The following ABTB2 variants were observed in gnomAD, a reference collection of about 807,000 sequenced individuals.
ABTB2 encodes ankyrin repeat and BTB domain containing 2.
Under a neutral mutation model 104.1 loss-of-function variants are expected in ABTB2, and 56 were observed. That is an observed-to-expected ratio of 0.54 (90% CI 0.43 to 0.67). ABTB2 has a LOEUF of 0.67. Among genes scored for constraint, ABTB2 ranks in the 30% least tolerant of loss-of-function variants. The pLI, the probability that ABTB2 is intolerant of heterozygous loss-of-function variation, is 0.00. For synonymous variants in ABTB2, 606 were observed against 608.2 expected, an observed-to-expected ratio of 1.00 and a Z score of 0.05; for missense variants, 1,279 against 1,407.7, an observed-to-expected ratio of 0.91 and a Z score of 1.46.
At chr11:34,244,369 A>T (rs905100156) in intron 1 of ABTB2, among the ~76,000 whole-genome samples, 3 of 152,230 alleles carry the variant, frequency 2.0e-5, no homozygotes, top group African/African-American at 7.2e-5. Context: ...GATCAGCAGC[A>T]GTTTCACCAC....
At chr11:34,164,327 G>A (rs1293101257) in intron 9 of ABTB2, among the ~76,000 whole-genome samples, 2 of 152,208 alleles carry the variant, frequency 1.3e-5, no homozygotes, top group African/African-American at 2.4e-5. Flanking sequence ...CTATTTGGAC[G>A]TCCAAGGCCA....
intron 1 of ABTB2, among the ~76,000 whole-genome samples, chr11:34,256,754 C>T (rs1427260064): frequency 2.0e-5 from 3 of 152,112 alleles, no homozygotes; most frequent in Non-Finnish European, 4.4e-5. Context: ...GTCTATTTTC[C>T]CAGTCTCTTA....
At position 34,154,207 on chromosome 11, in the gene ABTB2, GCCCC is replaced by G. The variant is rs1186815021; in HGVS notation, c.2880+54_2880+57del. The stretch of plus-strand genomic sequence containing the variant: ...TCCCCAGTGCAGCCACACGGCCGAG[GCCCC>G]CGTGGAGCAGAGCATGTGGTGGGAG... On this transcript the variant is annotated intron_variant, in intron 16 of 16. Coordinates refer to ENST00000435224, the MANE Select transcript of ABTB2 (RefSeq NM_145804.3). This position sits in a 1 kb window ranked among gnomAD's most constrained non-coding sequence, Gnocchi z 4.9. 9 of 1,378,780 alleles carry G rather than the reference GCCCC, an allele frequency of 6.5e-6. No homozygotes were observed. Among genetic ancestry groups the G allele is most frequent in the Non-Finnish European group, 9.3e-6 (9 of 972,676 alleles). The allele number at this position is 1,378,780 out of a possible 1,614,324, so 85.4% of individuals were successfully genotyped here.
rs891846754 is a variant in ABTB2 at position 34,160,148 on chromosome 11, G to C, written c.2503+100C>G. The C allele has an allele frequency of 9.8e-6, 13 of 1,320,498 alleles. No individual in the cohort carries two copies. The Admixed American group carries it at 1.9e-4, about 19-fold the overall frequency. The allele number at this position is 1,320,498 out of a possible 1,614,324, so 81.8% of individuals were successfully genotyped here. On this transcript the variant is annotated intron_variant, in intron 12 of 16. Coordinates refer to ENST00000435224, the MANE Select transcript of ABTB2 (RefSeq NM_145804.3). ...CAGAGAAACTGAGGCTGGGGCCTTGGCGCTTGGAAATGGAGAAAGATGACA... is the reference window on the plus strand; with the variant it reads ...CAGAGAAACTGAGGCTGGGGCCTTGCCGCTTGGAAATGGAGAAAGATGACA...
At chr11:34,302,405 A>G (rs1854717974) in intron 1 of ABTB2, among the ~76,000 whole-genome samples, 1 of 152,220 alleles carries the variant, frequency 6.6e-6, no homozygotes, top group African/African-American at 2.4e-5. Context: ...TCTGAAATCC[A>G]TGACTGGTCA....
rs1056041958 is a variant in ABTB2, at chr11:34,154,204, G to A, written c.2880+61C>T. ...TCATCCCCAGTGCAGCCACACGGCC[G>A]AGGCCCCCGTGGAGCAGAGCATGTG... On this transcript the variant is annotated intron_variant, in intron 16 of 16. Coordinates refer to ENST00000435224, the MANE Select transcript of ABTB2 (RefSeq NM_145804.3). The surrounding 1 kb of genome is among the most constrained non-coding windows in gnomAD (Gnocchi z 4.9). 2.2e-6 allele frequency: 3 copies of A among 1,356,402 alleles called. No homozygotes were observed. Among genetic ancestry groups the A allele is most frequent in the Non-Finnish European group, 3.1e-6 (3 of 953,948 alleles). 84.0% of individuals were successfully genotyped at this position (1,356,402 alleles called of 1,614,324 possible). A position where few individuals can be genotyped will look rare whatever the true frequency, so the allele number is the denominator to read the frequency against.
intron 1 of ABTB2, among the ~76,000 whole-genome samples, chr11:34,287,473 T>C (rs1277255210): frequency 2.0e-5 from 3 of 152,220 alleles, no homozygotes; most frequent in Non-Finnish European, 1.5e-5. Context: ...CGCTTGAATC[T>C]GGGAGGTGGA....
At chr11:34,247,741 T>C (rs1056998967) in intron 1 of ABTB2, among the ~76,000 whole-genome samples, 4 of 152,256 alleles carry the variant, frequency 2.6e-5, no homozygotes, top group Non-Finnish European at 5.9e-5. Context: ...CTGATACAGA[T>C]TGTGCATTGA....
At position 34,154,310 on chromosome 11, in the gene ABTB2, C is replaced by G; in HGVS notation, c.2835G>C (p.Gln945His). 6.2e-7 allele frequency: 1 copy of G among 1,614,126 alleles called. No individual in the cohort carries two copies. The highest frequency in any genetic ancestry group is 2.2e-5 in the East Asian group (1 of 44,884). Reference sequence around the variant, plus strand: ...TCACGGCACTCTCCATGCTGAGGGTCTGGGAGCACAGGATCTCGCAGTGCC... The same window carrying G: ...TCACGGCACTCTCCATGCTGAGGGTGTGGGAGCACAGGATCTCGCAGTGCC... ...LQRHCEILCS[Q>H]TLSMESAVNT... The change falls in exon 16 of 17, where the codon CAG becomes CAC. Residue 945 changes from glutamine (Q) to histidine (H), a missense_variant. Gln to His is a conservative substitution (Grantham distance 24, BLOSUM62 0). Coordinates refer to ENST00000435224, the MANE Select transcript of ABTB2 (RefSeq NM_145804.3). This position sits in a 1 kb window ranked among gnomAD's most constrained non-coding sequence, Gnocchi z 4.9.
intron 1 of ABTB2, among the ~76,000 whole-genome samples, chr11:34,276,542 C>T (rs117732532): frequency 2.6e-5 from 4 of 152,280 alleles, no homozygotes; most frequent in South Asian, 4.1e-4. Context: ...GGCTCTCCCC[C>T]ATCCGGGCCT....
intron 1 of ABTB2, among the ~76,000 whole-genome samples, chr11:34,340,182 C>T (rs906214831): frequency 6.6e-5 from 10 of 152,122 alleles, no homozygotes; most frequent in African/African-American, 2.4e-4. Flanking sequence ...CACACTAAAC[C>T]CCTTCTGGGT....
chr11:34,152,668 G>A (rs1852561911), intron 16 of ABTB2, 84 bp from the exon 17 acceptor site: 1 of 1,350,928 alleles, frequency 7.4e-7, no homozygotes, highest in Non-Finnish European at 1.0e-6. Flanking sequence ...ACCTACCCAT[G>A]GCCACAGCCC....
intron 1 of ABTB2, among the ~76,000 whole-genome samples, chr11:34,339,292 G>T (rs929300301): frequency 1.4e-4 from 22 of 152,114 alleles, no homozygotes; most frequent in Non-Finnish European, 2.6e-4. Context: ...GCCAGCTCCG[G>T]CAATGAGTGA....
chr11:34,349,078 A>T (rs934593476), intron 1 of ABTB2, among the ~76,000 whole-genome samples: 12 of 152,198 alleles, frequency 7.9e-5, no homozygotes, highest in African/African-American at 2.9e-4. Flanking sequence ...CCAAGCACAC[A>T]ACCAAAGCTG....
At chr11:34,199,083 A>G (rs1853303828) in intron 2 of ABTB2, among the ~76,000 whole-genome samples, 5 of 152,212 alleles carry the variant, frequency 3.3e-5, no homozygotes, top group African/African-American at 9.7e-5. Context: ...GGTCTGTTAC[A>G]TACTAGGTTC....
At chr11:34,276,615 T>C (rs1854384908) in intron 1 of ABTB2, among the ~76,000 whole-genome samples, 1 of 152,252 alleles carries the variant, frequency 6.6e-6, no homozygotes, top group African/African-American at 2.4e-5. Context: ...AGTATGGGTT[T>C]CAATATTAGT....
chr11:34,171,188 C>G (rs1367207457), intron 4 of ABTB2, 117 bp from the exon 5 acceptor site: 3 of 1,116,438 alleles, frequency 2.7e-6, no homozygotes, highest in Non-Finnish European at 3.8e-6. Context: ...GTGGGAAGCA[C>G]CAGGGAGTTA....
intron 1 of ABTB2, among the ~76,000 whole-genome samples, chr11:34,322,972 C>A (rs146201847): frequency 6.6e-6 from 1 of 152,172 alleles, no homozygotes; most frequent in South Asian, 2.1e-4. Flanking sequence ...TGCAGTGGCA[C>A]GATCTCGGCT....
Position 34,172,437 on chromosome 11 carries a change from TATAGATAG to T in ABTB2, c.1397+710_1397+717del, listed in dbSNP as rs67334558. 1.8e-3 allele frequency among the ~76,000 whole-genome samples: 162 copies of T among 92,366 alleles called. 1 individual carries two copies. The highest frequency in any genetic ancestry group is 0.01 in the Middle Eastern group (2 of 196). The allele number at this position is 92,366 out of a possible 152,430, so 60.6% of individuals were successfully genotyped here. A position where few individuals can be genotyped will look rare whatever the true frequency, so the allele number is the denominator to read the frequency against. ...ATATATATGTGTGTGTGTGTGTGTA[TATAGATAG>T]ATAGATAGATAGATAGATAGATAGA... On this transcript the variant is annotated intron_variant, in intron 4 of 16. Coordinates refer to ENST00000435224, the MANE Select transcript of ABTB2 (RefSeq NM_145804.3).
Sources: gnomAD v4.1 joint callset for allele counts (sites outside exome capture counted in the v4.1 genomes callset) on GRCh38, gnomAD v4.1.1 for gene constraint, Gnocchi (gnomAD v3.1) non-coding constraint, MANE v1.5 for transcripts, NCBI Gene and HGNC (gene_info 2026-07-23, HGNC 2026-07-21) for gene names.